Variants in MTUS2 observed in about 807,000 individuals in gnomAD.
MTUS2 encodes the protein microtubule associated scaffold protein 2.
Under a neutral mutation model 114.1 loss-of-function variants are expected in MTUS2, and 40 were observed. The ratio of observed to expected loss-of-function variants is 0.35; its 90% CI spans 0.27 to 0.46. The LOEUF (loss-of-function observed/expected upper bound fraction) is 0.46. Among genes scored for constraint, MTUS2 ranks in the 20% least tolerant of loss-of-function variants. MTUS2 has a pLI of 1.00. For missense variants in MTUS2, 1,679 were observed against 1,705.4 expected, an observed-to-expected ratio of 0.98 and a Z score of 0.27; for synonymous variants, 688 against 672.0, an observed-to-expected ratio of 1.02 and a Z score of -0.37.
At chr13:29,305,164 A>C (rs1899386863) in intron 6 of MTUS2, among the ~76,000 whole-genome samples, 2 of 152,216 alleles carry the variant, frequency 1.3e-5, no homozygotes, top group African/African-American at 4.8e-5. Context: ...TATAGCACTG[A>C]ATGTCCATGT....
At chr13:29,152,954 A>AT (rs1414291361) in intron 5 of MTUS2, among the ~76,000 whole-genome samples, 2 of 152,048 alleles carry the variant, frequency 1.3e-5, no homozygotes, top group Non-Finnish European at 2.9e-5. Flanking sequence ...TGTGATAAAG[A>AT]TTTTTTCTAT....
intron 5 of MTUS2, among the ~76,000 whole-genome samples, chr13:29,247,751 T>C (rs1286954397): frequency 6.6e-6 from 1 of 152,082 alleles, no homozygotes; most frequent in Non-Finnish European, 1.5e-5. Flanking sequence ...CAAAAAATAA[T>C]AGATGTTAAC....
At chr13:29,393,689 C>T (rs779328896) in intron 8 of MTUS2, among the ~76,000 whole-genome samples, 11 of 152,142 alleles carry the variant, frequency 7.2e-5, no homozygotes, top group Non-Finnish European at 1.2e-4. Flanking sequence ...AAGTTAAGAA[C>T]GCATGCCCGT....
chr13:29,145,662 T>G (rs1832237439), intron 5 of MTUS2, among the ~76,000 whole-genome samples: 1 of 152,168 alleles, frequency 6.6e-6, no homozygotes, highest in South Asian at 2.1e-4. Flanking sequence ...CTTAGAGTGT[T>G]ACCCCACCCA....
intron 4 of MTUS2, among the ~76,000 whole-genome samples, chr13:29,037,966 T>C (rs1256124865): frequency 6.6e-6 from 1 of 152,232 alleles, no homozygotes; most frequent in Non-Finnish European, 1.5e-5. Context: ...CATGCTCCTT[T>C]AGCTCAGAAG....
At chr13:28,937,821 C>T (rs546998186) in intron 2 of MTUS2, among the ~76,000 whole-genome samples, 26 of 152,182 alleles carry the variant, frequency 1.7e-4, no homozygotes, top group African/African-American at 5.8e-4. Flanking sequence ...CTGGTGGGGC[C>T]AGTATTTGGG....
chr13:29,467,565 T>C (rs1435672705), intron 9 of MTUS2, among the ~76,000 whole-genome samples: 1 of 152,088 alleles, frequency 6.6e-6, no homozygotes, highest in East Asian at 1.9e-4. Context: ...TGCAAAACCA[T>C]TTCCTATTAA....
At chr13:29,488,196 C>T (rs2138948496) in intron 11 of MTUS2, 191 bp downstream of exon 11, 1 of 588,612 alleles carries the variant, frequency 1.7e-6, no homozygotes, top group South Asian at 2.0e-5. Context: ...TTAGCTGCTT[C>T]TTTCCTCCAA....
chr13:29,412,101 C>T (rs1181123730), intron 8 of MTUS2, among the ~76,000 whole-genome samples: 2 of 152,156 alleles, frequency 1.3e-5, no homozygotes, highest in Non-Finnish European at 2.9e-5. Flanking sequence ...TTGGCTTATA[C>T]CACTAGTATG....
At chr13:29,237,090 A>G (rs1896563512) in intron 5 of MTUS2, among the ~76,000 whole-genome samples, 1 of 152,164 alleles carries the variant, frequency 6.6e-6, no homozygotes, top group Non-Finnish European at 1.5e-5. Context: ...CATTTTTAAA[A>G]TTTCCAGCAG....
chr13:29,082,202 G>A (rs1889474663), intron 4 of MTUS2, among the ~76,000 whole-genome samples: 1 of 152,172 alleles, frequency 6.6e-6, no homozygotes, highest in African/African-American at 2.4e-5. Context: ...TAGAAAGAGG[G>A]CCTTTACTGG....
intron 5 of MTUS2, 53 bp downstream of exon 5, chr13:29,101,023 C>T (rs1002858034): frequency 6.8e-7 from 1 of 1,464,040 alleles, no homozygotes; most frequent in African/African-American, 1.4e-5. Context: ...AACCGGCGCG[C>T]CTGTGTAACT....
intron 5 of MTUS2, among the ~76,000 whole-genome samples, chr13:29,112,581 T>C (rs1890924108): frequency 6.6e-6 from 1 of 152,122 alleles, no homozygotes; most frequent in Non-Finnish European, 1.5e-5. Flanking sequence ...GCAGGAGAAG[T>C]TGGTTTGTTA....
intron 12 of MTUS2, among the ~76,000 whole-genome samples, chr13:29,493,544 G>A (rs1281845245): frequency 1.3e-5 from 2 of 152,148 alleles, no homozygotes; most frequent in African/African-American, 4.8e-5. Context: ...CTTCTTCGAT[G>A]GCTCACTTTC....
chr13:28,894,296 GAGAGAGA>G (rs1566203610), intron 2 of MTUS2, among the ~76,000 whole-genome samples: 3 of 12,858 alleles, frequency 2.3e-4, no homozygotes, highest in South Asian at 4.1e-3. Flanking sequence ...GGGGGAGAGA[GAGAGAGA>G]GGGGGGGGGG....
At chr13:28,911,173 CTTT>C (rs35468877) in intron 2 of MTUS2, among the ~76,000 whole-genome samples, 2 of 79,642 alleles carry the variant, frequency 2.5e-5, no homozygotes, top group Admixed American at 1.5e-4. Flanking sequence ...CTGCGCCCTG[CTTT>C]TTTTTTTTTT....
chr13:29,105,542 T>G (rs1890621042), intron 5 of MTUS2, among the ~76,000 whole-genome samples: 1 of 152,126 alleles, frequency 6.6e-6, no homozygotes. Flanking sequence ...CTTCTTCCTC[T>G]CTTTTCAAAT....
intron 4 of MTUS2, among the ~76,000 whole-genome samples, chr13:29,063,806 T>C (rs533112058): frequency 2.6e-5 from 4 of 152,358 alleles, no homozygotes; most frequent in African/African-American, 9.6e-5. Context: ...ACAGTTTTTT[T>C]CTCCATGACT....
chr13:28,865,180 A>T (rs1160462297), intron 2 of MTUS2, among the ~76,000 whole-genome samples: 1 of 152,138 alleles, frequency 6.6e-6, no homozygotes, highest in Non-Finnish European at 1.5e-5. Flanking sequence ...GATGACATGT[A>T]TGGCTCCTAC....
Sources: allele counts gnomAD v4.1 joint callset (sites outside exome capture counted in the v4.1 genomes callset), GRCh38; gene constraint gnomAD v4.1.1; transcripts MANE v1.5; gene names NCBI Gene and HGNC (gene_info 2026-07-23, HGNC 2026-07-21).